RALGAPA2: variants seen among roughly 807,000 people sequenced by gnomAD.
RALGAPA2 encodes the protein Ral GTPase activating protein catalytic subunit alpha 2, also known as ral GTPase-activating protein subunit alpha-2.
A neutral mutation model predicts 230.4 loss-of-function variants in RALGAPA2; 139 were observed. The observed-to-expected ratio is 0.60, with a 90% CI of 0.53 to 0.69. The LOEUF (loss-of-function observed/expected upper bound fraction) is 0.69, where lower values mean the gene tolerates loss of function less well. RALGAPA2 is among the 30% of genes least tolerant of loss of function. RALGAPA2 has a pLI of 0.00. For synonymous variants in RALGAPA2, 847 were observed against 837.8 expected, an observed-to-expected ratio of 1.01 and a Z score of -0.19; for missense variants, 2,163 against 2,276.0, an observed-to-expected ratio of 0.95 and a Z score of 1.01.
At chr20:20,640,316 G>A (rs1218725812) in intron 6 of RALGAPA2, among the ~76,000 whole-genome samples, 2 of 152,130 alleles carry the variant, frequency 1.3e-5, no homozygotes, top group Non-Finnish European at 2.9e-5. Flanking sequence ...ATAAGATCCT[G>A]GTGAGCAGAT....
At chr20:20,570,557 TA>T (rs956141153) in intron 23 of RALGAPA2, among the ~76,000 whole-genome samples, 2 of 152,212 alleles carry the variant, frequency 1.3e-5, no homozygotes, top group African/African-American at 4.8e-5. Context: ...AACCTAGTAA[TA>T]AAATGAAATG....
intron 36 of RALGAPA2, among the ~76,000 whole-genome samples, chr20:20,486,992 T>A (rs1356118671): frequency 6.6e-6 from 1 of 152,252 alleles, no homozygotes; most frequent in Non-Finnish European, 1.5e-5. Context: ...ACTTTTTCCA[T>A]TAGTATCCTT....
At chr20:20,467,814 C>A (rs2061452912) in intron 37 of RALGAPA2, among the ~76,000 whole-genome samples, 1 of 152,160 alleles carries the variant, frequency 6.6e-6, no homozygotes, top group African/African-American at 2.4e-5. Context: ...ATATTGGTTG[C>A]TCCTCCAGGC....
chr20:20,630,705 G>A (rs2066644059), intron 9 of RALGAPA2, among the ~76,000 whole-genome samples: 1 of 152,124 alleles, frequency 6.6e-6, no homozygotes. Context: ...GGATGAGTAT[G>A]GTACAGAAAG....
At chr20:20,698,174 T>C (rs1490475328) in intron 1 of RALGAPA2, among the ~76,000 whole-genome samples, 1 of 152,148 alleles carries the variant, frequency 6.6e-6, no homozygotes, top group African/African-American at 2.4e-5. Flanking sequence ...AATGGTTAGT[T>C]TTCCAGGGGT....
chr20:20,573,091 T>A lies in RALGAPA2; in HGVS notation c.2708-23A>T, dbSNP rs747633745. ...TATCTATGCAGAAAAACATGTCTGT[T>A]AACCCTGTAAACAATCTTGATTTCA... is the stretch of plus-strand genomic sequence containing the variant. On this transcript the variant is annotated intron_variant, in intron 20 of 39. Coordinates refer to ENST00000202677, the MANE Select transcript of RALGAPA2 (RefSeq NM_020343.4). The A allele has an allele frequency of 7.7e-6, 12 of 1,560,860 alleles. No homozygotes were observed. The South Asian group carries it at 1.4e-4, about 19-fold the overall frequency.
In RALGAPA2 at chr20:20,398,356, G is replaced by T. The variant is rs966276724; in HGVS notation, c.5618-1622C>A. The stretch of plus-strand genomic sequence containing the variant: ...GTTTGTAATTGCTGATGAGGACTGG[G>T]TTGCCCCTCTCCTGTGCATCCCCAG... On this transcript the variant is annotated intron_variant, in intron 38 of 39. Coordinates refer to ENST00000202677, the MANE Select transcript of RALGAPA2 (RefSeq NM_020343.4). The surrounding 1 kb of genome is among the most constrained non-coding windows in gnomAD (Gnocchi z 4.5). Among the ~76,000 whole-genome samples, 4 of 152,226 alleles carry T rather than the reference G, an allele frequency of 2.6e-5. No individual in the cohort carries two copies. The highest frequency in any genetic ancestry group is 7.2e-5 in the African/African-American group (3 of 41,454).
Position 20,577,002 on chromosome 20 carries a change from T to C in RALGAPA2, c.2708-3934A>G, listed in dbSNP as rs183744374. 6.0e-3 allele frequency among the ~76,000 whole-genome samples: 914 copies of C among 152,306 alleles called. 5 individuals are homozygous for C. Among genetic ancestry groups the C allele is most frequent in the Non-Finnish European group, 9.8e-3 (665 of 68,014 alleles). Reference sequence around the variant, plus strand: ...TCCTTTTTTATTAACATGTATGTTATTCTGTTATTCTTTTCCTAATTTTTG... The same window carrying C: ...TCCTTTTTTATTAACATGTATGTTACTCTGTTATTCTTTTCCTAATTTTTG... On this transcript the variant is annotated intron_variant, in intron 20 of 39. Transcript: ENST00000202677.
Position 20,690,960 on chromosome 20 carries a change from C to T in RALGAPA2, c.107-10159G>A, listed in dbSNP as rs562177130. ...ACTGTCTTTCAGTATATTACTAGCA[C>T]TGTCTTCACTCCTGGTGGTTTCAAC... On this transcript the variant is annotated intron_variant, in intron 1 of 39. Transcript: ENST00000202677. 7.2e-5 allele frequency among the ~76,000 whole-genome samples: 11 copies of T among 152,306 alleles called. No homozygotes were observed. The South Asian group carries it at 2.3e-3, about 32-fold the overall frequency.
chr20:20,429,112 T>C (rs2060450776), intron 37 of RALGAPA2, among the ~76,000 whole-genome samples: 1 of 152,188 alleles, frequency 6.6e-6, no homozygotes, highest in Non-Finnish European at 1.5e-5. Flanking sequence ...CAAGAGCCCA[T>C]TGGGTCCTCC....
At chr20:20,653,614 A>G in intron 3 of RALGAPA2, 27 bp from the exon 4 acceptor site, 4 of 1,313,332 alleles carry the variant, frequency 3.0e-6, no homozygotes, top group Non-Finnish European at 4.2e-6. Flanking sequence ...TAAAGAAAAT[A>G]AACAACAAAT....
chr20:20,630,287 T>C (rs1205068150), intron 9 of RALGAPA2, among the ~76,000 whole-genome samples: 1 of 152,232 alleles, frequency 6.6e-6, no homozygotes, highest in East Asian at 1.9e-4. Flanking sequence ...AATATACATA[T>C]AATTTTGCTT....
At chr20:20,626,712 C>T (rs1603113020) in intron 10 of RALGAPA2, among the ~76,000 whole-genome samples, 1 of 152,206 alleles carries the variant, frequency 6.6e-6, no homozygotes, top group East Asian at 1.9e-4. Context: ...GAAGTATTTT[C>T]ATTCAAGCAT....
chr20:20,619,192 T>C, intron 12 of RALGAPA2, 85 bp downstream of exon 12: 1 of 1,278,942 alleles, frequency 7.8e-7, no homozygotes, highest in South Asian at 2.5e-5. Context: ...ATACTTTATA[T>C]GACATTATCC....
chr20:20,693,908 A>C (rs1210531282), intron 1 of RALGAPA2, among the ~76,000 whole-genome samples: 1 of 152,170 alleles, frequency 6.6e-6, no homozygotes, highest in Non-Finnish European at 1.5e-5. Context: ...GTTCAAGACC[A>C]GCCTAGGTAA....
chr20:20,430,198 C>T (rs896479407), intron 37 of RALGAPA2, among the ~76,000 whole-genome samples: 21 of 152,338 alleles, frequency 1.4e-4, no homozygotes, highest in African/African-American at 4.8e-4. Context: ...AGCTGCTGGA[C>T]CTAGTGGCAC....
At chr20:20,602,411 C>G (rs1442254003) in intron 15 of RALGAPA2, among the ~76,000 whole-genome samples, 1 of 152,192 alleles carries the variant, frequency 6.6e-6, no homozygotes, top group South Asian at 2.1e-4. Flanking sequence ...TGAGATTCAA[C>G]TTTTATTTTT....
At chr20:20,422,702 A>C (rs2060301468) in intron 37 of RALGAPA2, among the ~76,000 whole-genome samples, 1 of 152,348 alleles carries the variant, frequency 6.6e-6, no homozygotes, top group Admixed American at 6.5e-5. Context: ...GGCACAGCAA[A>C]AGCCCTCCAG....
intron 38 of RALGAPA2, 45 bp downstream of exon 38, chr20:20,411,982 G>A (rs201292115): frequency 7.6e-5 from 123 of 1,607,914 alleles, no homozygotes; most frequent in Non-Finnish European, 1.0e-4. Context: ...TCTGCTGCTC[G>A]AATGCGTCTT....
Sources: allele counts gnomAD v4.1 joint callset (sites outside exome capture counted in the v4.1 genomes callset), GRCh38; gene constraint gnomAD v4.1.1; non-coding constraint Gnocchi (gnomAD v3.1); transcripts MANE v1.5; gene names NCBI Gene and HGNC (gene_info 2026-07-23, HGNC 2026-07-21).